The following SLC25A21 variants were observed in gnomAD, a reference collection of about 807,000 sequenced individuals.
SLC25A21 encodes the protein mitochondrial 2-oxodicarboxylate carrier.
Under a neutral mutation model 43.8 loss-of-function variants are expected in SLC25A21, and 47 were observed. That is an observed-to-expected ratio of 1.07 (90% CI 0.85 to 1.37). The LOEUF (loss-of-function observed/expected upper bound fraction) is 1.37. SLC25A21 is among the 40% of genes most tolerant of loss of function. The pLI, the probability that SLC25A21 is intolerant of heterozygous loss-of-function variation, is 0.00. For synonymous variants in SLC25A21, 131 were observed against 121.3 expected (o/e 1.08, Z -0.52); for missense variants, 352 against 350.2 (o/e 1.00, Z -0.04).
chr14:37,158,896 C>CA (rs1963893331), intron 1 of SLC25A21, among the ~76,000 whole-genome samples: 1 of 151,932 alleles, frequency 6.6e-6, no homozygotes, highest in East Asian at 1.9e-4. Context: ...TTTCAGGATA[C>CA]AAAACCAACA....
At chr14:37,018,830 TG>T (rs1218963584) in intron 1 of SLC25A21, among the ~76,000 whole-genome samples, 1 of 151,988 alleles carries the variant, frequency 6.6e-6, no homozygotes, top group Non-Finnish European at 1.5e-5. Flanking sequence ...ATGACTTCTC[TG>T]ACTAATGACA....
chr14:37,093,713 G>T (rs1029325032), intron 1 of SLC25A21, among the ~76,000 whole-genome samples: 2 of 152,116 alleles, frequency 1.3e-5, no homozygotes, highest in African/African-American at 4.8e-5. Flanking sequence ...GGAAAAAAGT[G>T]GGGGGAGGAT....
At chr14:37,044,469 T>G (rs1961545922) in intron 1 of SLC25A21, among the ~76,000 whole-genome samples, 1 of 152,194 alleles carries the variant, frequency 6.6e-6, no homozygotes, top group Non-Finnish European at 1.5e-5. Flanking sequence ...GACATTTCAG[T>G]GCAAATACAC....
At chr14:36,722,515 A>G (rs1397765928) in intron 6 of SLC25A21, among the ~76,000 whole-genome samples, 1 of 152,204 alleles carries the variant, frequency 6.6e-6, no homozygotes, top group Non-Finnish European at 1.5e-5. Context: ...CATGGGGAAG[A>G]TGATGCATGT....
At chr14:37,083,803 T>C (rs974423710) in intron 1 of SLC25A21, among the ~76,000 whole-genome samples, 1 of 152,202 alleles carries the variant, frequency 6.6e-6, no homozygotes, top group African/African-American at 2.4e-5. Flanking sequence ...CTCTTACGCA[T>C]GCTGAAGATT....
At chr14:37,116,254 C>CCA (rs1343684488) in intron 1 of SLC25A21, among the ~76,000 whole-genome samples, 1 of 152,178 alleles carries the variant, frequency 6.6e-6, no homozygotes, top group Non-Finnish European at 1.5e-5. Context: ...GAGCTTGGTA[C>CCA]CACATATACA....
intron 1 of SLC25A21, among the ~76,000 whole-genome samples, chr14:36,882,647 G>C (rs113121053): frequency 2.6e-5 from 4 of 151,972 alleles, no homozygotes; most frequent in Non-Finnish European, 4.4e-5. Flanking sequence ...TCACTCTCTT[G>C]GTGATCTCAT....
intron 3 of SLC25A21, chr14:36,809,069 T>C (rs1594606786): frequency 6.6e-6 from 1 of 152,284 alleles, no homozygotes; most frequent in East Asian, 1.9e-4. Flanking sequence ...AAGTGAGGCG[T>C]GATGCATGGA....
At chr14:36,710,875 T>C (rs1883828868) in intron 7 of SLC25A21, among the ~76,000 whole-genome samples, 1 of 152,192 alleles carries the variant, frequency 6.6e-6, no homozygotes, top group African/African-American at 2.4e-5. Flanking sequence ...CCAGGTGAAA[T>C]TTAAATTTTA....
intron 1 of SLC25A21, among the ~76,000 whole-genome samples, chr14:36,935,278 A>G (rs549879612): frequency 2.6e-5 from 4 of 152,064 alleles, no homozygotes; most frequent in Non-Finnish European, 5.9e-5. Flanking sequence ...TTTATCACCC[A>G]TATCTTTCCA....
intron 1 of SLC25A21, among the ~76,000 whole-genome samples, chr14:37,016,191 C>T (rs1469511123): frequency 3.9e-5 from 6 of 152,132 alleles, no homozygotes; most frequent in Non-Finnish European, 7.3e-5. Flanking sequence ...ACGTTTAAGT[C>T]TTTAATCCAT....
intron 2 of SLC25A21, chr14:36,870,702 C>T (rs1890344308): frequency 6.6e-6 from 1 of 152,080 alleles, no homozygotes; most frequent in Non-Finnish European, 1.5e-5. Flanking sequence ...TCAATACAAC[C>T]AGTATATGTA....
chr14:36,707,917 G>A (rs1258383540), intron 7 of SLC25A21, among the ~76,000 whole-genome samples: 2 of 152,004 alleles, frequency 1.3e-5, no homozygotes, highest in Non-Finnish European at 2.9e-5. Flanking sequence ...TGAAGCACAG[G>A]AGTTCAAGAC....
intron 1 of SLC25A21, among the ~76,000 whole-genome samples, chr14:37,129,969 A>T (rs1293837692): frequency 6.6e-6 from 1 of 150,758 alleles, no homozygotes; most frequent in Non-Finnish European, 1.5e-5. Context: ...TAAAACTTTT[A>T]GGCTTAGTGC....
chr14:36,724,618 G>A (rs901363305), intron 6 of SLC25A21, among the ~76,000 whole-genome samples: 1 of 152,202 alleles, frequency 6.6e-6, no homozygotes, highest in Non-Finnish European at 1.5e-5. Flanking sequence ...AACAAGAACA[G>A]CTGGATTTGG....
chr14:37,090,956 C>T (rs1962573198), intron 1 of SLC25A21, among the ~76,000 whole-genome samples: 1 of 152,170 alleles, frequency 6.6e-6, no homozygotes, highest in African/African-American at 2.4e-5. Flanking sequence ...CTGGTGACAA[C>T]ATTTTCATCA....
At chr14:37,151,117 T>C (rs570530949) in intron 1 of SLC25A21, among the ~76,000 whole-genome samples, 8 of 152,280 alleles carry the variant, frequency 5.3e-5, no homozygotes, top group African/African-American at 1.7e-4. Context: ...TCTATTGAAT[T>C]TCATTCTTCT....
At chr14:36,764,506 C>T (rs1449558363) in intron 3 of SLC25A21, among the ~76,000 whole-genome samples, 1 of 145,124 alleles carries the variant, frequency 6.9e-6, no homozygotes, top group Non-Finnish European at 1.5e-5. Context: ...AGAAGGGATT[C>T]CAGATTTATG....
intron 5 of SLC25A21, among the ~76,000 whole-genome samples, chr14:36,726,514 G>C (rs1006747020): frequency 6.6e-6 from 1 of 152,132 alleles, no homozygotes; most frequent in Non-Finnish European, 1.5e-5. Flanking sequence ...AGGTTATTCT[G>C]AAAGGCTCAA....
Sources: allele counts gnomAD v4.1 joint callset (sites outside exome capture counted in the v4.1 genomes callset), GRCh38; gene constraint gnomAD v4.1.1; transcripts MANE v1.5; gene names NCBI Gene and HGNC (gene_info 2026-07-23, HGNC 2026-07-21).